IL1RAPL1: variants seen among roughly 807,000 people sequenced by gnomAD.
The protein encoded by IL1RAPL1 is interleukin 1 receptor accessory protein like 1.
IL1RAPL1 carries 3 observed loss-of-function variants against 48.4 expected under a neutral mutation model. The observed-to-expected ratio is 0.06, with a 90% CI of 0.03 to 0.16. The LOEUF (loss-of-function observed/expected upper bound fraction) is 0.16, where lower values mean the gene tolerates loss of function less well. Among genes scored for constraint, IL1RAPL1 ranks in the 10% least tolerant of loss-of-function variants. The probability of loss-of-function intolerance (pLI) is 1.00; values close to 1 mark genes in which losing one functional copy is unlikely to be tolerated. For synonymous variants in IL1RAPL1, 185 were observed against 187.7 expected, an observed-to-expected ratio of 0.99 and a Z score of 0.12; for missense variants, 349 against 530.6, an observed-to-expected ratio of 0.66 and a Z score of 3.36.
chrX:29,377,064 AT>A (rs1933633805), intron 3 of IL1RAPL1, among the ~76,000 whole-genome samples: 1 of 112,179 alleles, frequency 8.9e-6, no homozygotes, highest in South Asian at 3.7e-4. Flanking sequence ...TATATTAAGG[AT>A]AGTTAAGGCT....
rs7880352 is a variant in IL1RAPL1 at position 29,271,532 on chromosome X, T to A, written c.83-11406T>A. Among the ~76,000 whole-genome samples, 433 of 112,392 alleles carry A rather than the reference T, an allele frequency of 3.9e-3. 4 individuals carry two copies. The highest frequency in any genetic ancestry group is 0.013 in the African/African-American group (413 of 30,985). On this transcript the variant is annotated intron_variant, in intron 2 of 10. Transcript: ENST00000378993. ...CACAACTTTGCCAGCATCTTTTGTT[T>A]TTTAACTTTTAAATAATAACCATTC...
intron 5 of IL1RAPL1, among the ~76,000 whole-genome samples, chrX:29,403,601 A>G (rs1934021182): frequency 8.9e-6 from 1 of 112,192 alleles, no homozygotes; most frequent in African/African-American, 3.2e-5. Flanking sequence ...GTATAGTAAC[A>G]CATAAACATA....
intron 1 of IL1RAPL1, among the ~76,000 whole-genome samples, chrX:28,780,220 T>C (rs1162825226): frequency 9.0e-6 from 1 of 110,768 alleles, no homozygotes; most frequent in African/African-American, 3.3e-5. Flanking sequence ...TAATCTCTCT[T>C]GCTTGTTTCA....
rs1243105602 is a variant in IL1RAPL1, at chrX:28,844,015, G to T, written c.82+54590G>T. 2.7e-5 allele frequency among the ~76,000 whole-genome samples: 3 copies of T among 109,390 alleles called. No individual in the cohort carries two copies. In the East Asian group the frequency reaches 8.7e-4, roughly 32 times the overall value. The allele number at this position is 109,390 out of a possible 115,157, so 95.0% of individuals were successfully genotyped here. A position where few individuals can be genotyped will look rare whatever the true frequency, so the allele number is the denominator to read the frequency against. On this transcript the variant is annotated intron_variant, in intron 2 of 10. Coordinates refer to ENST00000378993, the MANE Select transcript of IL1RAPL1 (RefSeq NM_014271.4). Reference sequence around the variant, plus strand: ...TGCTTTCGCTATTGAGCTCCCTGCTGCCTAGCTCTTTGAGCTCATCTCCTA... The same window carrying T: ...TGCTTTCGCTATTGAGCTCCCTGCTTCCTAGCTCTTTGAGCTCATCTCCTA...
intron 2 of IL1RAPL1, among the ~76,000 whole-genome samples, chrX:28,892,253 A>G (rs762984112): frequency 9.4e-6 from 1 of 106,714 alleles, no homozygotes; most frequent in South Asian, 4.4e-4. Context: ...CTGTTTTATA[A>G]GATTTGGGTA....
chrX:29,373,815 G>T (rs747499624), intron 3 of IL1RAPL1, among the ~76,000 whole-genome samples: 3 of 62,224 alleles, frequency 4.8e-5, no homozygotes, highest in Admixed American at 1.7e-4. Context: ...TTTTTCATTT[G>T]TTTTTATTTT....
chrX:28,737,260 T>TTTCC (rs1935854016), intron 1 of IL1RAPL1, among the ~76,000 whole-genome samples: 1 of 99,657 alleles, frequency 1.0e-5, no homozygotes, highest in South Asian at 4.6e-4. Flanking sequence ...TCTTTCTTTC[T>TTTCC]TTCTTTCTTT....
At position 29,198,282 on chromosome X, in the gene IL1RAPL1, G is replaced by GT. The variant is rs745896544; in HGVS notation, c.83-84646dup. Among the ~76,000 whole-genome samples, 424 of 106,170 alleles carry GT rather than the reference G, an allele frequency of 4.0e-3. 5 individuals are homozygous for GT. Among genetic ancestry groups the GT allele is most frequent in the African/African-American group, 0.013 (371 of 29,218 alleles). The allele number at this position is 106,170 out of a possible 115,157, so 92.2% of individuals were successfully genotyped here. ...CTAGATTTGGCAAAAAAGATTTTAG[G>GT]TTTTTTTTTTCTTTTTTTCTTTTTC... On this transcript the variant is annotated intron_variant, in intron 2 of 10. Transcript: ENST00000378993.
At chrX:29,532,285 G>C (rs1437814445) in intron 5 of IL1RAPL1, among the ~76,000 whole-genome samples, 1 of 111,926 alleles carries the variant, frequency 8.9e-6, no homozygotes, top group Non-Finnish European at 1.9e-5. Flanking sequence ...GGTAGAAAGC[G>C]TGAGCTAAGG....
intron 5 of IL1RAPL1, among the ~76,000 whole-genome samples, chrX:29,415,054 TATAAC>T (rs977035479): frequency 4.5e-5 from 5 of 112,047 alleles, no homozygotes; most frequent in Non-Finnish European, 7.5e-5. Context: ...AAGAGTAAAA[TATAAC>T]ATAATAAGGA....
chrX:29,122,554 C>T (rs1928817760), intron 2 of IL1RAPL1, among the ~76,000 whole-genome samples: 1 of 103,606 alleles, frequency 9.7e-6, no homozygotes, highest in Non-Finnish European at 1.9e-5. Context: ...TAAAGGGAAA[C>T]ATTTGTATAT....
intron 8 of IL1RAPL1, among the ~76,000 whole-genome samples, chrX:29,936,866 G>A (rs1456785342): frequency 9.0e-6 from 1 of 111,561 alleles, no homozygotes; most frequent in African/African-American, 3.3e-5. Context: ...CCACTGTCTT[G>A]ATAAGAAAAA....
chrX:29,203,722 A>AATATAGATATATATAT (rs1419764371), intron 2 of IL1RAPL1, among the ~76,000 whole-genome samples: 11 of 78,428 alleles, frequency 1.4e-4, no homozygotes, highest in African/African-American at 4.9e-4. Flanking sequence ...TCCGTCTCAA[A>AATATAGATATATATAT]ATATATATAT....
chrX:29,300,198 A>G (rs940993693), intron 3 of IL1RAPL1, among the ~76,000 whole-genome samples: 1 of 111,706 alleles, frequency 9.0e-6, no homozygotes, highest in African/African-American at 3.3e-5. Context: ...ATGGACTAAG[A>G]CAATGATCCT....
At chrX:29,380,150 A>G (rs769298651) in intron 3 of IL1RAPL1, among the ~76,000 whole-genome samples, 77 of 109,100 alleles carry the variant, frequency 7.1e-4, no homozygotes, top group African/African-American at 2.0e-3. Flanking sequence ...GAAGATCGGA[A>G]CATTTCATAG....
At chrX:29,068,903 G>A (rs1406167371) in intron 2 of IL1RAPL1, among the ~76,000 whole-genome samples, 1 of 111,977 alleles carries the variant, frequency 8.9e-6, no homozygotes, top group Non-Finnish European at 1.9e-5. Context: ...GAAGGGCATG[G>A]TGCTTATATT....
At chrX:28,754,313 C>T (rs763203279) in intron 1 of IL1RAPL1, among the ~76,000 whole-genome samples, 3 of 111,847 alleles carry the variant, frequency 2.7e-5, no homozygotes, top group Non-Finnish European at 5.6e-5. Flanking sequence ...TTCTTTAAGG[C>T]ATTTCAATAT....
intron 3 of IL1RAPL1, among the ~76,000 whole-genome samples, chrX:29,374,286 CTTTTT>C (rs747182215): frequency 4.2e-4 from 2 of 4,758 alleles, no homozygotes; most frequent in African/African-American, 5.4e-4. Flanking sequence ...TGGTTGGTTG[CTTTTT>C]TTTTTTTTTT....
intron 2 of IL1RAPL1, among the ~76,000 whole-genome samples, chrX:29,062,933 T>C (rs1377182025): frequency 8.9e-6 from 1 of 111,892 alleles, no homozygotes; most frequent in Non-Finnish European, 1.9e-5. Flanking sequence ...AGTGTATCCA[T>C]ATGGATTCAG....
Sources: allele counts gnomAD v4.1 joint callset (sites outside exome capture counted in the v4.1 genomes callset), GRCh38; gene constraint gnomAD v4.1.1; transcripts MANE v1.5; gene names NCBI Gene and HGNC (gene_info 2026-07-23, HGNC 2026-07-21).